TGFB1: variants seen among roughly 807,000 people sequenced by gnomAD.
TGFB1 encodes transforming growth factor beta 1, also known as transforming growth factor beta-1 proprotein.
TGFB1 carries 19 observed loss-of-function variants against 43.8 expected under a neutral mutation model. The observed-to-expected ratio is 0.43, with a 90% confidence interval of 0.30 to 0.64. The LOEUF (loss-of-function observed/expected upper bound fraction) is 0.64, where lower values mean the gene tolerates loss of function less well. TGFB1 is among the 30% of genes least tolerant of loss of function. The pLI, the probability that TGFB1 is intolerant of heterozygous loss-of-function variation, is 0.11. For missense variants in TGFB1, 445 were observed against 529.8 expected (o/e 0.84, Z 1.57); for synonymous variants, 221 against 236.3 (o/e 0.94, Z 0.60).
intron 5 of TGFB1, among the ~76,000 whole-genome samples, chr19:41,334,435 T>C (rs1212619629): frequency 6.1e-5 from 9 of 146,438 alleles, no homozygotes; most frequent in Non-Finnish European, 1.2e-4. Flanking sequence ...TTTTTTTTTT[T>C]TTTTTTTTTT....
chr19:41,348,525 C>T, intron 1 of TGFB1, 70 bp from the exon 2 acceptor site: 1 of 1,569,236 alleles, frequency 6.4e-7, no homozygotes, highest in Non-Finnish European at 8.7e-7. Flanking sequence ...GCTCCCAACT[C>T]TAGGAGTTTT....
At chr19:41,344,282 G>A (rs1208578848) in intron 3 of TGFB1, among the ~76,000 whole-genome samples, 4 of 152,042 alleles carry the variant, frequency 2.6e-5, no homozygotes, top group Admixed American at 2.0e-4. Context: ...ACCATGCCCA[G>A]CCCCAGAATA....
intron 3 of TGFB1, among the ~76,000 whole-genome samples, chr19:41,342,506 C>T (rs905748327): frequency 1.8e-4 from 25 of 136,782 alleles, no homozygotes; most frequent in African/African-American, 6.3e-4. Flanking sequence ...CGTGCTACCA[C>T]GCATGGCTAA....
intron 6 of TGFB1, chr19:41,331,905 CTG>C: frequency 1.7e-6 from 1 of 582,462 alleles, no homozygotes; most frequent in South Asian, 2.3e-5. Flanking sequence ...TTACTTCACT[CTG>C]TGGGTCTTCA....
intron 5 of TGFB1, among the ~76,000 whole-genome samples, chr19:41,336,382 A>G (rs1162744274): frequency 2.1e-5 from 3 of 143,924 alleles, no homozygotes; most frequent in Non-Finnish European, 3.0e-5. Flanking sequence ...CCTATCCACT[A>G]TCTCTTTTTT....
Position 41,344,762 on chromosome 19 carries a change from A to C in TGFB1, c.619T>G (p.Trp207Gly). The change falls in exon 3 of 7, where the codon TGG becomes GGG. Residue 207 changes from tryptophan (W) to glycine (G), a missense_variant. Trp to Gly is a radical substitution (Grantham distance 184). Transcript: ENST00000221930. ...TAATCCTCACCTCCACGGCTCAACC[A>C]CTGCCGCACAACTCCGGTGACATCA... ...SFDVTGVVRQ[W>G]LSRGGEIEGF... 2 of 1,614,014 alleles carry C rather than the reference A, an allele frequency of 1.2e-6. No homozygotes were observed. Among genetic ancestry groups the C allele is most frequent in the Non-Finnish European group, 8.5e-7 (1 of 1,179,982 alleles).
chr19:41,341,567 C>T (rs922820225), intron 5 of TGFB1, among the ~76,000 whole-genome samples: 14 of 151,556 alleles, frequency 9.2e-5, no homozygotes, highest in Admixed American at 2.6e-4. Flanking sequence ...GCGCCCACCA[C>T]GCCTGGCTAA....
chr19:41,348,626 T>A (rs1273294332), intron 1 of TGFB1, among the ~76,000 whole-genome samples, 171 bp from the exon 2 acceptor site: 2 of 145,440 alleles, frequency 1.4e-5, no homozygotes, highest in African/African-American at 5.0e-5. Flanking sequence ...TTTAAATGAA[T>A]TTTTTTTTTT....
intron 3 of TGFB1, among the ~76,000 whole-genome samples, chr19:41,344,297 T>TC (rs1055426289): frequency 2.0e-5 from 3 of 151,998 alleles, no homozygotes; most frequent in African/African-American, 7.2e-5. Flanking sequence ...AGAATACTCT[T>TC]ACACCTCTCC....
intron 5 of TGFB1, among the ~76,000 whole-genome samples, chr19:41,333,550 A>G (rs2037958420): frequency 6.6e-6 from 1 of 152,114 alleles, no homozygotes; most frequent in South Asian, 2.1e-4. Context: ...TTTTAGAGAC[A>G]CGGTCTCACT....
At position 41,348,415 on chromosome 19, in the gene TGFB1, A is replaced by G. The variant is rs199696548; in HGVS notation, c.396T>C (p.Tyr132=). The part of the protein sequence containing the change: ...DKFKQSTHSI[Y]MFFNTSELRE... ...GGAGCTCTGATGTGTTGAAGAACATATATATGCTGTGTGTACTCTGCTTGA... is the reference window on the plus strand; with the variant it reads ...GGAGCTCTGATGTGTTGAAGAACATGTATATGCTGTGTGTACTCTGCTTGA... The change falls in exon 2 of 7, where the codon TAT becomes TAC. Residue 132 remains tyrosine, a synonymous_variant. Coordinates refer to ENST00000221930, the MANE Select transcript of TGFB1 (RefSeq NM_000660.7). 1.8e-5 allele frequency: 29 copies of G among 1,613,010 alleles called. No homozygotes were observed. Among genetic ancestry groups the G allele is most frequent in the Admixed American group, 5.0e-5 (3 of 59,910 alleles).
At chr19:41,340,860 C>T (rs2038047086) in intron 5 of TGFB1, among the ~76,000 whole-genome samples, 1 of 152,130 alleles carries the variant, frequency 6.6e-6, no homozygotes, top group Admixed American at 6.6e-5. Context: ...TTCAGCTTTC[C>T]TTGAGTCCGA....
At chr19:41,332,507 T>C (rs1321624902) in intron 5 of TGFB1, among the ~76,000 whole-genome samples, 1 of 152,214 alleles carries the variant, frequency 6.6e-6, no homozygotes, top group Non-Finnish European at 1.5e-5. Flanking sequence ...ATAATTAATT[T>C]CACGCAATGC....
chr19:41,343,878 G>C (rs1187853032), intron 3 of TGFB1, among the ~76,000 whole-genome samples: 2 of 126,782 alleles, frequency 1.6e-5, no homozygotes, highest in Non-Finnish European at 3.5e-5. Flanking sequence ...GGCCCTGCCA[G>C]AAACCAGACA....
intron 5 of TGFB1, among the ~76,000 whole-genome samples, chr19:41,340,096 T>C (rs909908233): frequency 2.0e-5 from 3 of 152,098 alleles, no homozygotes; most frequent in Admixed American, 2.0e-4. Context: ...CATCTTATGA[T>C]TCTAACATTC....
At chr19:41,348,029 G>T (rs2038136714) in intron 2 of TGFB1, among the ~76,000 whole-genome samples, 1 of 151,764 alleles carries the variant, frequency 6.6e-6, no homozygotes. Flanking sequence ...CTACTTGGGA[G>T]GCTGAGGCAG....
At chr19:41,339,674 A>T (rs11466340) in intron 5 of TGFB1, among the ~76,000 whole-genome samples, 7 of 152,088 alleles carry the variant, frequency 4.6e-5, no homozygotes, top group South Asian at 2.1e-4. Flanking sequence ...AAAACCAAAA[A>T]TTAGCCGGGT....
At position 41,344,733 on chromosome 19, in the gene TGFB1, C is replaced by G; in HGVS notation, c.634+14G>C. On this transcript the variant is annotated intron_variant, in intron 3 of 6. Transcript: ENST00000221930. ...CAGGGAGAAACAGGGGTGGGACACACAAGTAATCCTCACCTCCACGGCTCA... is the reference window on the plus strand; with the variant it reads ...CAGGGAGAAACAGGGGTGGGACACAGAAGTAATCCTCACCTCCACGGCTCA... The G allele has an allele frequency of 5.6e-6, 9 of 1,612,372 alleles. No individual in the cohort carries two copies. Among genetic ancestry groups the G allele is most frequent in the Non-Finnish European group, 7.6e-6 (9 of 1,178,910 alleles).
In TGFB1 at chr19:41,341,931, A is replaced by G; in HGVS notation, c.812T>C (p.Leu271Pro). ...GGCTCGGCGGTGCCGGGAGCTTTGC[A>G]GATGCTGGGCCCTCTCCAGCGGGGT... is the stretch of plus-strand genomic sequence containing the variant. ...MATPLERAQH[L>P]QSSRHRRALD... Residue 271 changes from leucine (L) to proline (P), a missense_variant, in exon 5 of 7, where the codon CTG becomes CCG. Leu to Pro is a moderately conservative substitution (Grantham distance 98). Transcript: ENST00000221930. The G allele has an allele frequency of 6.2e-7, 1 of 1,614,136 alleles. No individual in the cohort carries two copies. Among genetic ancestry groups the G allele is most frequent in the Non-Finnish European group, 8.5e-7 (1 of 1,179,998 alleles).
Sources: allele counts gnomAD v4.1 joint callset (sites outside exome capture counted in the v4.1 genomes callset), GRCh38; gene constraint gnomAD v4.1.1; transcripts MANE v1.5; gene names NCBI Gene and HGNC (gene_info 2026-07-23, HGNC 2026-07-21).